The following HYDIN variants were observed in gnomAD, a reference collection of about 807,000 sequenced individuals.
HYDIN encodes the protein HYDIN axonemal central pair apparatus protein, also known as axonemal central pair apparatus protein HYDIN.
A neutral mutation model predicts 403.9 loss-of-function variants in HYDIN; 132 were observed. The observed-to-expected ratio is 0.33, with a 90% CI of 0.28 to 0.38. The LOEUF (loss-of-function observed/expected upper bound fraction) is 0.38, where lower values mean the gene tolerates loss of function less well. Ranked by LOEUF, HYDIN falls within the 10% of genes least tolerant of loss-of-function variation. HYDIN has a pLI of 1.00. For missense variants in HYDIN, 2,827 were observed against 5,009.5 expected, an observed-to-expected ratio of 0.56 and a Z score of 13.15; for synonymous variants, 1,202 against 1,891.7, an observed-to-expected ratio of 0.64 and a Z score of 9.46.
At position 70,882,658 on chromosome 16, in the gene HYDIN, A is replaced by C; in HGVS notation, c.10215+2T>G. On this transcript the variant is annotated splice_donor_variant, in intron 60 of 85. Transcript: ENST00000393567. LOFTEE classifies it high-confidence loss of function. ...GGCCAGGGGCCATTGGGAGCGTCTT[A>C]CCTTATTGGAGATAGGCCTGACTAC... 1 of 1,525,506 alleles carries C rather than the reference A, an allele frequency of 6.6e-7. No individual in the cohort carries two copies. 94.5% of individuals were successfully genotyped at this position (1,525,506 alleles called of 1,614,324 possible).
chr16:71,120,518 T>C (rs1006671848), intron 9 of HYDIN, among the ~76,000 whole-genome samples: 6 of 145,616 alleles, frequency 4.1e-5, no homozygotes, highest in African/African-American at 7.7e-5. Flanking sequence ...TGGTTTGTGA[T>C]AGATGATAAA....
At chr16:71,051,510 G>GT (rs2081636865) in intron 18 of HYDIN, among the ~76,000 whole-genome samples, 1 of 152,014 alleles carries the variant, frequency 6.6e-6, no homozygotes, top group Non-Finnish European at 1.5e-5. Context: ...GCCGGACGTG[G>GT]TGGCGGGCGC....
At chr16:71,165,656 G>C (rs1215572269) in intron 5 of HYDIN, among the ~76,000 whole-genome samples, 4 of 152,026 alleles carry the variant, frequency 2.6e-5, no homozygotes, top group Non-Finnish European at 5.9e-5. Flanking sequence ...GTCGGTAACA[G>C]AACATTTGGT....
At chr16:70,842,178 T>C (rs1201823252) in intron 75 of HYDIN, among the ~76,000 whole-genome samples, 1 of 151,112 alleles carries the variant, frequency 6.6e-6, no homozygotes, top group East Asian at 1.9e-4. Flanking sequence ...TTAGATGAAA[T>C]GTTCTGTATA....
chr16:71,157,652 T>C (rs1444938089), intron 6 of HYDIN, among the ~76,000 whole-genome samples: 1 of 152,154 alleles, frequency 6.6e-6, no homozygotes, highest in Non-Finnish European at 1.5e-5. Context: ...CAATGATAGT[T>C]GAAAAACATG....
chr16:71,128,091 G>T (rs553321513), intron 9 of HYDIN, among the ~76,000 whole-genome samples: 1 of 152,012 alleles, frequency 6.6e-6, no homozygotes, highest in Non-Finnish European at 1.5e-5. Context: ...CAAAAGGCCT[G>T]TCCTGTGAGA....
At chr16:71,165,124 G>A (rs895347191) in intron 5 of HYDIN, among the ~76,000 whole-genome samples, 8 of 151,328 alleles carry the variant, frequency 5.3e-5, no homozygotes, top group African/African-American at 2.0e-4. Context: ...GAGGGACCCA[G>A]TAAAAATGTA....
chr16:71,125,409 G>A (rs908208584), intron 9 of HYDIN, among the ~76,000 whole-genome samples: 4 of 152,240 alleles, frequency 2.6e-5, no homozygotes, highest in Admixed American at 6.5e-5. Context: ...TCATTCATTC[G>A]TTTATTAGCA....
rs749468227 is a variant in HYDIN at position 70,908,841 on chromosome 16, G to T, written c.8025C>A (p.Ser2675Arg). Residue 2675 changes from serine (S) to arginine (R), a missense_variant, in exon 48 of 86, where the codon AGC (serine) becomes AGA (arginine). Ser to Arg is a moderately radical substitution (Grantham distance 110). Transcript: ENST00000393567. ...TTTTCTGTTTGCCCCCCTTAGATGA[G>T]CTGGTCTGCTCCTCTTGAGCCTTAA... is the stretch of plus-strand genomic sequence containing the variant. ...NTTKAQEEQTSSSKGGKQKMK... is the reference protein window; with the variant it reads ...NTTKAQEEQTRSSKGGKQKMK... 11 of 1,614,112 alleles carry T rather than the reference G, an allele frequency of 6.8e-6. No individual in the cohort carries two copies. The South Asian group carries it at 7.7e-5, about 11-fold the overall frequency.
chr16:71,152,839 G>C, intron 6 of HYDIN, 56 bp from the exon 7 acceptor site: 2 of 1,568,554 alleles, frequency 1.3e-6, no homozygotes, highest in East Asian at 2.3e-5. Flanking sequence ...GTGTGAGACG[G>C]GGAGGAAAGG....
At chr16:70,819,357 GTTA>G (rs1263265841) in intron 83 of HYDIN, among the ~76,000 whole-genome samples, 1 of 152,022 alleles carries the variant, frequency 6.6e-6, no homozygotes, top group Admixed American at 6.6e-5. Context: ...CGTAGGCACT[GTTA>G]TTATGCCACT....
At position 70,835,659 on chromosome 16, in the gene HYDIN, C is replaced by T; in HGVS notation, c.13401+17G>A. On this transcript the variant is annotated intron_variant, in intron 78 of 85. Transcript: ENST00000393567. ...GGGAGCATGAAGGGGCCGCTAGGAG[C>T]CCCTCTGAGCACCAACCTTGGGTTC... is the stretch of plus-strand genomic sequence containing the variant. 5 of 617,960 alleles carry T rather than the reference C, an allele frequency of 8.1e-6. No individual in the cohort carries two copies. The highest frequency in any genetic ancestry group is 2.8e-5 in the East Asian group (1 of 36,300). The allele number at this position is 617,960 out of a possible 1,614,324, so 38.3% of individuals were successfully genotyped here.
intron 2 of HYDIN, among the ~76,000 whole-genome samples, chr16:71,185,685 A>G (rs2087114211): frequency 2.6e-5 from 4 of 152,330 alleles, no homozygotes; most frequent in South Asian, 4.1e-4. Flanking sequence ...CCTAGCATTT[A>G]AATAAAACTA....
At chr16:70,923,453 AG>A (rs2077056268) in intron 45 of HYDIN, among the ~76,000 whole-genome samples, 1 of 118,674 alleles carries the variant, frequency 8.4e-6, no homozygotes, top group African/African-American at 3.2e-5. Context: ...CGGCAACAAG[AG>A]TGAAACTCCA....
At position 70,894,277 on chromosome 16, in the gene HYDIN, C is replaced by T. The variant is rs906347671; in HGVS notation, c.9248+172G>A. 1.2e-5 allele frequency: 7 copies of T among 593,756 alleles called. No homozygotes were observed. The African/African-American group carries it at 1.3e-4, about 11-fold the overall frequency. The allele number at this position is 593,756 out of a possible 1,614,324, so 36.8% of individuals were successfully genotyped here. Reference sequence around the variant, plus strand: ...GGGAGGCAAAAAAGCAGAGACGGTTCTTATGATTTCCTTGACTGACTGATA... The same window carrying T: ...GGGAGGCAAAAAAGCAGAGACGGTTTTTATGATTTCCTTGACTGACTGATA... On this transcript the variant is annotated intron_variant, in intron 55 of 85. Coordinates refer to ENST00000393567, the MANE Select transcript of HYDIN (RefSeq NM_001270974.2).
At chr16:71,070,282 C>A (rs1270183111) in intron 13 of HYDIN, among the ~76,000 whole-genome samples, 2 of 150,446 alleles carry the variant, frequency 1.3e-5, no homozygotes, top group African/African-American at 4.9e-5. Flanking sequence ...TCCTTCCTTC[C>A]TTCCTTCCTT....
chr16:70,860,053 C>G lies in HYDIN; in HGVS notation c.12129+15G>C, dbSNP rs374417454. 6.2e-6 allele frequency: 10 copies of G among 1,601,016 alleles called. No individual in the cohort carries two copies. In the Admixed American group the frequency reaches 1.2e-4, roughly 19 times the overall value. On this transcript the variant is annotated intron_variant, in intron 71 of 85. Coordinates refer to ENST00000393567, the MANE Select transcript of HYDIN (RefSeq NM_001270974.2). ...GATCTAAGCCTTGGGTTGAGTGGTT[C>G]TCATCTGCACATACCTCGGCTTTCT... is the stretch of plus-strand genomic sequence containing the variant.
chr16:70,923,994 G>A (rs1233300289), intron 45 of HYDIN, among the ~76,000 whole-genome samples: 5 of 152,172 alleles, frequency 3.3e-5, no homozygotes, highest in East Asian at 1.9e-4. Context: ...TGAAATGTCC[G>A]AGAGGACATA....
intron 25 of HYDIN, among the ~76,000 whole-genome samples, chr16:70,988,953 G>A (rs1167263520): frequency 6.6e-6 from 1 of 151,928 alleles, no homozygotes; most frequent in Non-Finnish European, 1.5e-5. Context: ...TAAGAATTTC[G>A]TAGCATTTTT....
Sources: gnomAD v4.1 joint callset for allele counts (sites outside exome capture counted in the v4.1 genomes callset) on GRCh38, gnomAD v4.1.1 for gene constraint, MANE v1.5 for transcripts, NCBI Gene and HGNC (gene_info 2026-07-23, HGNC 2026-07-21) for gene names.